GDPD4: variants seen among roughly 807,000 people sequenced by gnomAD.
GDPD4 encodes the protein glycerophosphodiester phosphodiesterase 6.
Under a neutral mutation model 67.8 loss-of-function variants are expected in GDPD4, and 60 were observed. That is an observed-to-expected ratio of 0.88 (90% CI 0.72 to 1.10). The LOEUF (loss-of-function observed/expected upper bound fraction) is 1.10. Among genes scored for constraint, GDPD4 ranks in the 50% least tolerant of loss-of-function variants. The probability of loss-of-function intolerance (pLI) is 0.00; values close to 1 mark genes in which losing one functional copy is unlikely to be tolerated. For synonymous variants in GDPD4, 212 were observed against 210.9 expected (o/e 1.00, Z -0.04); for missense variants, 623 against 613.9 (o/e 1.01, Z -0.16).
At chr11:77,251,409 G>A (rs964242690) in intron 11 of GDPD4, among the ~76,000 whole-genome samples, 17 of 151,982 alleles carry the variant, frequency 1.1e-4, no homozygotes, top group Admixed American at 8.5e-4. Context: ...CTAGTCTAGC[G>A]GTTTTGCATT....
At chr11:77,249,173 G>A (rs771154247) in intron 11 of GDPD4, among the ~76,000 whole-genome samples, 3 of 150,464 alleles carry the variant, frequency 2.0e-5, no homozygotes, top group Non-Finnish European at 3.0e-5. Context: ...GGCTGAGGCA[G>A]GAGAATCGCT....
intron 11 of GDPD4, among the ~76,000 whole-genome samples, chr11:77,252,054 G>T (rs4945163): frequency 0.34 from 14,409 of 41,944 alleles, 1,361 homozygotes; most frequent in African/African-American, 0.48. Context: ...TTGTTTGTTT[G>T]TTTTTTTTTT....
chr11:77,296,616 C>T (rs577728491), intron 1 of GDPD4, among the ~76,000 whole-genome samples: 2 of 151,734 alleles, frequency 1.3e-5, no homozygotes, highest in African/African-American at 4.8e-5. Context: ...CTACTGCACC[C>T]GGCCAGATGT....
At chr11:77,257,759 C>A (rs552115083) in intron 11 of GDPD4, among the ~76,000 whole-genome samples, 121 of 152,300 alleles carry the variant, frequency 7.9e-4, no homozygotes, top group South Asian at 1.9e-3. Context: ...GTACACTGCA[C>A]AGCACGTGCT....
At chr11:77,235,942 C>T (rs1472288024) in intron 13 of GDPD4, among the ~76,000 whole-genome samples, 1 of 140,494 alleles carries the variant, frequency 7.1e-6, no homozygotes, top group Non-Finnish European at 1.5e-5. Context: ...GGGGACAGAG[C>T]GAGACTTTGT....
intron 16 of GDPD4, among the ~76,000 whole-genome samples, chr11:77,221,485 A>C (rs983592610): frequency 2.0e-5 from 3 of 152,094 alleles, no homozygotes; most frequent in African/African-American, 4.8e-5. Context: ...TCATTTCGTT[A>C]TGTACCCAGT....
chr11:77,221,931 A>G (rs1194880647), intron 16 of GDPD4, among the ~76,000 whole-genome samples: 1 of 152,126 alleles, frequency 6.6e-6, no homozygotes, highest in African/African-American at 2.4e-5. Flanking sequence ...TTGGGTGCAT[A>G]TATATTTAGG....
At chr11:77,283,851 A>ATTTTTTT (rs71272229) in intron 3 of GDPD4, among the ~76,000 whole-genome samples, 31 of 124,540 alleles carry the variant, frequency 2.5e-4, no homozygotes, top group African/African-American at 9.1e-4. Context: ...GACATAATGA[A>ATTTTTTT]TTTTTTTTTT....
At chr11:77,237,126 T>TG (rs1479961584) in intron 13 of GDPD4, among the ~76,000 whole-genome samples, 1 of 152,150 alleles carries the variant, frequency 6.6e-6, no homozygotes, top group East Asian at 1.9e-4. Context: ...CAAATAGAGA[T>TG]GTTTCATGAC....
At chr11:77,301,025 T>C (rs1010422267) in intron 1 of GDPD4, among the ~76,000 whole-genome samples, 1 of 152,200 alleles carries the variant, frequency 6.6e-6, no homozygotes, top group Non-Finnish European at 1.5e-5. Flanking sequence ...CACCATTGTC[T>C]ACACACCTGC....
At chr11:77,274,783 A>G (rs548544328) in intron 5 of GDPD4, among the ~76,000 whole-genome samples, 78 of 152,354 alleles carry the variant, frequency 5.1e-4, no homozygotes, top group African/African-American at 1.8e-3. Flanking sequence ...AAGAAATACA[A>G]GAAATGGTAT....
At chr11:77,257,553 ACAC>A (rs1959026312) in intron 11 of GDPD4, among the ~76,000 whole-genome samples, 1 of 2,822 alleles carries the variant, frequency 3.5e-4, no homozygotes, top group Non-Finnish European at 7.2e-4. Flanking sequence ...TCCCTCTCCT[ACAC>A]ACACACACAC....
chr11:77,298,862 C>A (rs1468999002), intron 1 of GDPD4, among the ~76,000 whole-genome samples: 1 of 151,652 alleles, frequency 6.6e-6, no homozygotes. Flanking sequence ...TATTGTTATG[C>A]CAGAGTCAGG....
At chr11:77,219,012 G>A (rs1958178114) in intron 16 of GDPD4, among the ~76,000 whole-genome samples, 1 of 152,200 alleles carries the variant, frequency 6.6e-6, no homozygotes, top group African/African-American at 2.4e-5. Context: ...TACCAACAGT[G>A]TAAAAGTGTT....
intron 1 of GDPD4, among the ~76,000 whole-genome samples, chr11:77,293,688 A>T (rs1401546917): frequency 2.0e-5 from 3 of 152,114 alleles, no homozygotes; most frequent in Non-Finnish European, 4.4e-5. Context: ...GCAAATTCAA[A>T]CTCCATTCCT....
At chr11:77,228,694 A>G (rs1337083048) in intron 15 of GDPD4, among the ~76,000 whole-genome samples, 1 of 152,022 alleles carries the variant, frequency 6.6e-6, no homozygotes, top group Non-Finnish European at 1.5e-5. Context: ...TCTCAAAAAA[A>G]CGAACAAAAA....
chr11:77,226,829 A>G (rs1197904941), intron 16 of GDPD4, among the ~76,000 whole-genome samples: 1 of 152,182 alleles, frequency 6.6e-6, no homozygotes, highest in Non-Finnish European at 1.5e-5. Context: ...GTTTCACAGC[A>G]TATGAAAGAC....
chr11:77,298,260 C>G (rs1400560475), intron 1 of GDPD4, among the ~76,000 whole-genome samples: 1 of 152,148 alleles, frequency 6.6e-6, no homozygotes, highest in Non-Finnish European at 1.5e-5. Flanking sequence ...GCTTGTAATC[C>G]CAGCACTTTG....
chr11:77,229,236 A>G lies in GDPD4; in HGVS notation c.1390-4T>C. 1.3e-6 allele frequency: 2 copies of G among 1,577,004 alleles called. No individual in the cohort carries two copies. The highest frequency in any genetic ancestry group is 1.7e-5 in the Admixed American group (1 of 57,838). ...TGAACACATAGAACTTTGGTGTCTG[A>G]AAAACATAAACCACAGTGAAAGAAC... On this transcript the variant is annotated splice_region_variant and splice_polypyrimidine_tract_variant and intron_variant, in intron 14 of 16. Transcript: ENST00000315938.
Sources: gnomAD v4.1 joint callset for allele counts (sites outside exome capture counted in the v4.1 genomes callset) on GRCh38, gnomAD v4.1.1 for gene constraint, MANE v1.5 for transcripts, NCBI Gene and HGNC (gene_info 2026-07-23, HGNC 2026-07-21) for gene names.